Variants in AXIN1 observed in about 807,000 individuals in gnomAD.
AXIN1 encodes the protein axin-1.
A neutral mutation model predicts 76.4 loss-of-function variants in AXIN1; 30 were observed. The ratio of observed to expected loss-of-function variants is 0.39; its 90% CI spans 0.29 to 0.53. The LOEUF (loss-of-function observed/expected upper bound fraction) is 0.53, where lower values mean the gene tolerates loss of function less well. AXIN1 is among the 20% of genes least tolerant of loss of function. The pLI, the probability that AXIN1 is intolerant of heterozygous loss-of-function variation, is 0.66. For synonymous variants in AXIN1, 545 were observed against 501.4 expected (o/e 1.09, Z -1.16); for missense variants, 1,140 against 1,198.8 (o/e 0.95, Z 0.72).
chr16:308,336 C>T (rs985134005), intron 4 of AXIN1, among the ~76,000 whole-genome samples: 4 of 152,212 alleles, frequency 2.6e-5, no homozygotes, highest in Admixed American at 2.6e-4. Context: ...CAGGCACCAA[C>T]GCACTCCACA....
chr16:289,783 C>T (rs922559417), intron 9 of AXIN1, 176 bp from the exon 10 acceptor site: 5 of 774,138 alleles, frequency 6.5e-6, no homozygotes, highest in Non-Finnish European at 1.0e-5. Context: ...GGGATCTAGT[C>T]CGCTAGCAGT....
intron 2 of AXIN1, among the ~76,000 whole-genome samples, chr16:323,818 A>G (rs949836047): frequency 6.6e-6 from 1 of 151,904 alleles, no homozygotes; most frequent in African/African-American, 2.4e-5. Context: ...AAAACAAAAC[A>G]CTGAGGGGTG....
intron 4 of AXIN1, among the ~76,000 whole-genome samples, chr16:307,102 T>C (rs1157606637): frequency 6.6e-6 from 1 of 152,168 alleles, no homozygotes; most frequent in Non-Finnish European, 1.5e-5. Flanking sequence ...CCACGGCTGC[T>C]GTGTCTGCAG....
At chr16:313,233 CAG>C (rs2053223220) in intron 3 of AXIN1, among the ~76,000 whole-genome samples, 1 of 152,198 alleles carries the variant, frequency 6.6e-6, no homozygotes, top group African/African-American at 2.4e-5. Flanking sequence ...GACCAGGAGA[CAG>C]AAGCTACAGT....
At chr16:295,266 G>A (rs72765835) in intron 7 of AXIN1, among the ~76,000 whole-genome samples, 18,651 of 151,190 alleles carry the variant, frequency 0.12, 1,383 homozygotes, top group South Asian at 0.21. Flanking sequence ...CACCACACAC[G>A]GCTAATTTTT....
At chr16:289,869 T>G in intron 9 of AXIN1, 1 of 565,036 alleles carries the variant, frequency 1.8e-6, no homozygotes, top group Non-Finnish European at 3.2e-6. Context: ...GGCCAGGGCC[T>G]GGCTGCCAGG....
chr16:315,832 G>GAAAAAAAAAAA (rs922939817), intron 2 of AXIN1, among the ~76,000 whole-genome samples: 1 of 72,670 alleles, frequency 1.4e-5, no homozygotes. Context: ...TGTCTCAAAA[G>GAAAAAAAAAAA]AAAAAAAAAA....
intron 2 of AXIN1, among the ~76,000 whole-genome samples, chr16:324,296 A>C (rs1454050863): frequency 6.6e-6 from 1 of 151,342 alleles, no homozygotes; most frequent in African/African-American, 2.4e-5. Context: ...TTTGCTCTAC[A>C]GGTCTCCTGC....
At chr16:320,089 C>A (rs918137630) in intron 2 of AXIN1, among the ~76,000 whole-genome samples, 4 of 152,324 alleles carry the variant, frequency 2.6e-5, no homozygotes, top group Admixed American at 1.3e-4. Context: ...TCAGAACCGA[C>A]AGCCCCCCAC....
chr16:338,263 C>T (rs969654835), intron 2 of AXIN1, among the ~76,000 whole-genome samples: 5 of 152,228 alleles, frequency 3.3e-5, no homozygotes, highest in Admixed American at 2.0e-4. Flanking sequence ...GGGTGCCAGG[C>T]GGCCAGTCAC....
At chr16:301,732 G>A (rs766391030) in intron 5 of AXIN1, among the ~76,000 whole-genome samples, 52 of 152,106 alleles carry the variant, frequency 3.4e-4, no homozygotes, top group Non-Finnish European at 5.7e-4. Flanking sequence ...AATTACAGAC[G>A]GCCAACATGA....
At chr16:301,532 T>A (rs998890643) in intron 5 of AXIN1, among the ~76,000 whole-genome samples, 1 of 152,146 alleles carries the variant, frequency 6.6e-6, no homozygotes, top group African/African-American at 2.4e-5. Context: ...GGCTCGTGCC[T>A]GAAATCCCAG....
chr16:337,497 CA>C (rs35744069), intron 2 of AXIN1, among the ~76,000 whole-genome samples: 18,822 of 72,062 alleles, frequency 0.26, 1,335 homozygotes, highest in African/African-American at 0.39. Context: ...GGGTCAAAAC[CA>C]AAAAAAAAAA....
intron 2 of AXIN1, among the ~76,000 whole-genome samples, chr16:324,228 G>A (rs1205724768): frequency 8.6e-5 from 12 of 139,000 alleles, no homozygotes; most frequent in Non-Finnish European, 1.7e-4. Flanking sequence ...ATTACGGGTC[G>A]GCACTGGGCA....
intron 2 of AXIN1, among the ~76,000 whole-genome samples, chr16:345,027 C>T (rs1248466936): frequency 1.3e-5 from 2 of 152,164 alleles, no homozygotes; most frequent in African/African-American, 4.8e-5. Context: ...CCGGAGCCTC[C>T]GGTCACCAGC....
chr16:304,581 CTGGAG>C (rs1233551152), intron 4 of AXIN1, 140 bp from the exon 5 acceptor site: 1 of 1,355,450 alleles, frequency 7.4e-7, no homozygotes, highest in East Asian at 2.6e-5. Context: ...GTCACCCAGG[CTGGAG>C]TGCAATGGCG....
chr16:292,240 C>G (rs1188154838), intron 8 of AXIN1: 1 of 152,480 alleles, frequency 6.6e-6, no homozygotes, highest in East Asian at 1.9e-4. Context: ...CCGAGCACCA[C>G]ACTCCAGGCT....
Position 297,161 on chromosome 16 carries a change from G to C in AXIN1, c.1850C>G (p.Thr617Ser), listed in dbSNP as rs765434555. 6.2e-7 allele frequency: 1 copy of C among 1,612,078 alleles called. No homozygotes were observed. The highest frequency in any genetic ancestry group is 8.5e-7 in the Non-Finnish European group (1 of 1,179,954). ...ATCCTCCGAGGCACCTGGCACCTCGGTGCTGGCGCTCTTCCCCGACTCAGC... is the reference window on the plus strand; with the variant it reads ...ATCCTCCGAGGCACCTGGCACCTCGCTGCTGGCGCTCTTCCCCGACTCAGC... ...KKAESGKSAS[T>S]EVPGASEDAE... is the part of the protein sequence containing the mutation. The change falls in exon 7 of 11, where the codon ACC (threonine) becomes AGC (serine). Residue 617 changes from threonine to serine, a missense_variant. Transcript: ENST00000262320.
At chr16:310,622 C>T (rs1329760661) in intron 3 of AXIN1, among the ~76,000 whole-genome samples, 1 of 152,236 alleles carries the variant, frequency 6.6e-6, no homozygotes, top group African/African-American at 2.4e-5. Flanking sequence ...GAGTCTCGAT[C>T]TCCTGACCTC....
Sources: allele counts gnomAD v4.1 joint callset (sites outside exome capture counted in the v4.1 genomes callset), GRCh38; gene constraint gnomAD v4.1.1; transcripts MANE v1.5; gene names NCBI Gene and HGNC (gene_info 2026-07-23, HGNC 2026-07-21).